The following LRP1B variants were observed in gnomAD, a reference collection of about 807,000 sequenced individuals.
The protein encoded by LRP1B is low-density lipoprotein receptor-related protein 1B.
LRP1B carries 217 observed loss-of-function variants against 556.6 expected under a neutral mutation model. That is an observed-to-expected ratio of 0.39 (90% CI 0.35 to 0.44). LRP1B has a LOEUF of 0.44. LRP1B is among the 20% of genes least tolerant of loss of function. The pLI, the probability that LRP1B is intolerant of heterozygous loss-of-function variation, is 1.00. For synonymous variants in LRP1B, 2,047 were observed against 1,865.8 expected, an observed-to-expected ratio of 1.10 and a Z score of -2.50; for missense variants, 5,053 against 5,620.8, an observed-to-expected ratio of 0.90 and a Z score of 3.23.
chr2:141,521,375 C>T (rs980765207), intron 2 of LRP1B, among the ~76,000 whole-genome samples: 1 of 151,812 alleles, frequency 6.6e-6, no homozygotes, highest in African/African-American at 2.4e-5. Context: ...TTGTTCCTTC[C>T]TACCTTTCTT....
chr2:141,753,017 G>A (rs944644187), intron 2 of LRP1B, among the ~76,000 whole-genome samples: 1 of 146,920 alleles, frequency 6.8e-6, no homozygotes, highest in African/African-American at 2.5e-5. Flanking sequence ...GGGAGGCCGA[G>A]GCAGGTGGAT....
chr2:141,571,879 GA>G (rs1163637531), intron 2 of LRP1B, among the ~76,000 whole-genome samples: 1 of 152,056 alleles, frequency 6.6e-6, no homozygotes, highest in Non-Finnish European at 1.5e-5. Flanking sequence ...GAAGAAAAGG[GA>G]AAAAAGAATG....
intron 1 of LRP1B, among the ~76,000 whole-genome samples, chr2:142,022,616 A>G: frequency 6.6e-6 from 1 of 150,538 alleles, no homozygotes; most frequent in African/African-American, 2.4e-5. Context: ...CTTAATGAAC[A>G]AATCTCATTA....
chr2:140,435,918 A>T (rs545290282), intron 66 of LRP1B, among the ~76,000 whole-genome samples: 2 of 151,982 alleles, frequency 1.3e-5, no homozygotes, highest in Non-Finnish European at 2.9e-5. Context: ...AAACATTTCA[A>T]TGCAAAATAA....
chr2:141,454,537 TGTCA>T (rs906073039), intron 3 of LRP1B, among the ~76,000 whole-genome samples: 2 of 107,502 alleles, frequency 1.9e-5, no homozygotes, highest in African/African-American at 4.0e-5. Context: ...TAATATTTTC[TGTCA>T]GTCCAGTTCT....
At chr2:141,391,447 G>A (rs1014335389) in intron 3 of LRP1B, among the ~76,000 whole-genome samples, 6 of 152,110 alleles carry the variant, frequency 3.9e-5, no homozygotes, top group African/African-American at 1.4e-4. Flanking sequence ...CACAGTGCAG[G>A]CTTACAGGCA....
In LRP1B at chr2:140,593,883, T is replaced by A. The variant is rs542415409; in HGVS notation, c.7194+4748A>T. On this transcript the variant is annotated intron_variant, in intron 43 of 90. Transcript: ENST00000389484. Reference sequence around the variant, plus strand: ...GTCTACTGATAAGCAATGGGTTATATAATATTTATATGATAAATATGAGTT... The same window carrying A: ...GTCTACTGATAAGCAATGGGTTATAAAATATTTATATGATAAATATGAGTT... Among the ~76,000 whole-genome samples, 341 of 152,318 alleles carry A rather than the reference T, an allele frequency of 2.2e-3. 1 individual carries two copies. The highest frequency in any genetic ancestry group is 4.1e-3 in the Non-Finnish European group (281 of 68,020).
chr2:141,406,235 CAAGAG>C (rs1271885523), intron 3 of LRP1B, among the ~76,000 whole-genome samples: 3 of 151,918 alleles, frequency 2.0e-5, no homozygotes, highest in Non-Finnish European at 2.9e-5. Context: ...TATTTGCCTA[CAAGAG>C]AAGTTATTTT....
chr2:141,874,966 AT>A, intron 1 of LRP1B, among the ~76,000 whole-genome samples: 1 of 151,704 alleles, frequency 6.6e-6, no homozygotes, highest in East Asian at 1.9e-4. Flanking sequence ...AAGAGATATT[AT>A]ATTCTTAAAT....
At chr2:140,326,717 A>AC (rs1472106845) in intron 79 of LRP1B, among the ~76,000 whole-genome samples, 11 of 151,950 alleles carry the variant, frequency 7.2e-5, no homozygotes, top group African/African-American at 2.7e-4. Context: ...AAAAATGTTT[A>AC]TGGTAGGGAA....
chr2:140,858,442 C>A (rs1692683807), intron 27 of LRP1B, among the ~76,000 whole-genome samples: 2 of 145,992 alleles, frequency 1.4e-5, no homozygotes, highest in Non-Finnish European at 1.5e-5. Context: ...AACCTCTATC[C>A]TACATTATCA....
chr2:140,533,123 G>A (rs1380214905), intron 47 of LRP1B, among the ~76,000 whole-genome samples: 4 of 151,506 alleles, frequency 2.6e-5, no homozygotes, highest in African/African-American at 9.7e-5. Context: ...AAATATCTGT[G>A]GGGTCCAGAT....
chr2:141,947,095 A>G (rs1700973663), intron 1 of LRP1B, among the ~76,000 whole-genome samples: 1 of 152,138 alleles, frequency 6.6e-6, no homozygotes, highest in African/African-American at 2.4e-5. Context: ...AGTGGGAAGT[A>G]GATGAGGCGA....
chr2:141,724,006 C>T (rs1020638645), intron 2 of LRP1B, among the ~76,000 whole-genome samples: 3 of 151,548 alleles, frequency 2.0e-5, no homozygotes, highest in Admixed American at 1.3e-4. Context: ...AAAGGGAAAA[C>T]GATAAAGTTA....
At chr2:140,930,076 T>A (rs1312300117) in intron 20 of LRP1B, among the ~76,000 whole-genome samples, 1 of 152,026 alleles carries the variant, frequency 6.6e-6, no homozygotes, top group Non-Finnish European at 1.5e-5. Flanking sequence ...TCCAAGCCGG[T>A]ATGGTTCCCC....
At chr2:140,880,184 T>C (rs539904707) in intron 25 of LRP1B, among the ~76,000 whole-genome samples, 46 of 152,244 alleles carry the variant, frequency 3.0e-4, no homozygotes, top group Non-Finnish European at 5.1e-4. Context: ...TCAGTTATTA[T>C]GACAAAGGAA....
chr2:140,734,284 G>A (rs1469050556), intron 35 of LRP1B, among the ~76,000 whole-genome samples: 1 of 152,190 alleles, frequency 6.6e-6, no homozygotes, highest in Non-Finnish European at 1.5e-5. Context: ...AAATTGGAAT[G>A]AGAGTCTAGA....
chr2:140,584,653 A>C (rs1298229656), intron 43 of LRP1B, among the ~76,000 whole-genome samples: 5 of 152,148 alleles, frequency 3.3e-5, no homozygotes, highest in Non-Finnish European at 5.9e-5. Context: ...TTCTTCTGTA[A>C]GAACACATCT....
At chr2:141,331,172 T>C (rs1687630258) in intron 3 of LRP1B, among the ~76,000 whole-genome samples, 1 of 152,198 alleles carries the variant, frequency 6.6e-6, no homozygotes, top group African/African-American at 2.4e-5. Flanking sequence ...CCTTCTCTCC[T>C]GCCTATCCCT....
Sources: gnomAD v4.1 joint callset for allele counts (sites outside exome capture counted in the v4.1 genomes callset) on GRCh38, gnomAD v4.1.1 for gene constraint, MANE v1.5 for transcripts, NCBI Gene and HGNC (gene_info 2026-07-23, HGNC 2026-07-21) for gene names.